The following RBFOX1 variants were observed in gnomAD, a reference collection of about 807,000 sequenced individuals.
RBFOX1 encodes the protein RNA binding fox-1 homolog 1.
Under a neutral mutation model 57.7 loss-of-function variants are expected in RBFOX1, and 8 were observed. The ratio of observed to expected loss-of-function variants is 0.14; its 90% confidence interval spans 0.08 to 0.25. The LOEUF (loss-of-function observed/expected upper bound fraction) is 0.25. RBFOX1 is among the 10% of genes least tolerant of loss of function. RBFOX1 has a pLI of 1.00. For missense variants in RBFOX1, 611 were observed against 548.5 expected (o/e 1.11, Z -1.14); for synonymous variants, 326 against 222.4 (o/e 1.47, Z -4.15).
At chr16:6,299,764 C>T (rs898964500) in intron 1 of RBFOX1, among the ~76,000 whole-genome samples, 2 of 152,142 alleles carry the variant, frequency 1.3e-5, no homozygotes, top group African/African-American at 4.8e-5. Flanking sequence ...CAGTTAAAGG[C>T]GTGGCTGTCC....
chr16:7,536,177 G>A (rs188506741), intron 5 of RBFOX1, among the ~76,000 whole-genome samples: 314 of 152,310 alleles, frequency 2.1e-3, no homozygotes, highest in African/African-American at 7.2e-3. Context: ...AGAGCTGACT[G>A]TAATTACATT....
At chr16:7,065,360 CT>C (rs2055709994) in intron 4 of RBFOX1, among the ~76,000 whole-genome samples, 1 of 152,090 alleles carries the variant, frequency 6.6e-6, no homozygotes, top group African/African-American at 2.4e-5. Flanking sequence ...CACCTTTCCC[CT>C]GATACACTCC....
At chr16:6,083,150 C>A (rs1345536865) in intron 1 of RBFOX1, among the ~76,000 whole-genome samples, 1 of 152,116 alleles carries the variant, frequency 6.6e-6, no homozygotes, top group Non-Finnish European at 1.5e-5. Context: ...CAGAGGCATG[C>A]ACTACCTTGC....
intron 2 of RBFOX1, among the ~76,000 whole-genome samples, chr16:5,472,523 T>A (rs1045182877): frequency 2.0e-5 from 3 of 152,170 alleles, no homozygotes; most frequent in African/African-American, 7.2e-5. Context: ...TTGCTCTTTT[T>A]AATGCTATCC....
rs567462821 is a variant in RBFOX1 at position 7,533,531 on chromosome 16, C to G, written c.270+15142C>G. ...GTTGAAAATGCATTTAATACACTTC[C>G]CCTACTGAACATCATCACTTAGCCT... On this transcript the variant is annotated intron_variant, in intron 5 of 15. Coordinates refer to ENST00000550418, the MANE Select transcript of RBFOX1 (RefSeq NM_018723.4). 2.3e-3 allele frequency among the ~76,000 whole-genome samples: 345 copies of G among 152,302 alleles called. 1 individual carries two copies. Among genetic ancestry groups the G allele is most frequent in the Non-Finnish European group, 4.0e-3 (272 of 68,022 alleles).
chr16:5,652,745 C>T (rs60565839), intron 3 of RBFOX1, among the ~76,000 whole-genome samples: 5,522 of 152,260 alleles, frequency 0.036, 318 homozygotes, highest in African/African-American at 0.12. Flanking sequence ...GATTTGAAAC[C>T]AGACAGACTT....
chr16:6,751,240 G>C (rs1384617554), intron 3 of RBFOX1, among the ~76,000 whole-genome samples: 2 of 152,148 alleles, frequency 1.3e-5, no homozygotes, highest in Admixed American at 6.5e-5. Context: ...ATTATTAGGA[G>C]ATTGTTTTTA....
At chr16:6,733,776 C>G (rs1242578264) in intron 3 of RBFOX1, among the ~76,000 whole-genome samples, 1 of 152,136 alleles carries the variant, frequency 6.6e-6, no homozygotes, top group Non-Finnish European at 1.5e-5. Context: ...ATTCTGACCT[C>G]TGAAATCTGA....
chr16:7,342,974 C>T (rs925021774), intron 4 of RBFOX1, among the ~76,000 whole-genome samples: 4 of 152,144 alleles, frequency 2.6e-5, no homozygotes, highest in African/African-American at 9.7e-5. Flanking sequence ...TTGCCCAAAT[C>T]TTTGTCCAGA....
At chr16:5,791,785 C>A (rs1049226301) in intron 3 of RBFOX1, among the ~76,000 whole-genome samples, 4 of 152,194 alleles carry the variant, frequency 2.6e-5, no homozygotes. Context: ...AAGCATATGA[C>A]ATGTTTGATC....
chr16:7,373,748 G>T (rs1323441557), intron 4 of RBFOX1, among the ~76,000 whole-genome samples: 2 of 152,148 alleles, frequency 1.3e-5, no homozygotes, highest in Admixed American at 1.3e-4. Context: ...CCAGCTCTTT[G>T]CGCTGATATT....
chr16:5,942,626 A>G (rs1043653216), intron 4 of RBFOX1, among the ~76,000 whole-genome samples: 3 of 152,098 alleles, frequency 2.0e-5, no homozygotes, highest in Non-Finnish European at 4.4e-5. Flanking sequence ...TTACTTTTAC[A>G]GAGGCAGTTT....
intron 3 of RBFOX1, among the ~76,000 whole-genome samples, chr16:5,643,588 G>T (rs915634722): frequency 2.0e-5 from 3 of 152,164 alleles, no homozygotes; most frequent in Non-Finnish European, 4.4e-5. Flanking sequence ...TGTCAGAACC[G>T]CAGAGTCATA....
chr16:6,587,396 C>G (rs1206202419), intron 2 of RBFOX1, among the ~76,000 whole-genome samples: 1 of 152,180 alleles, frequency 6.6e-6, no homozygotes, highest in African/African-American at 2.4e-5. Flanking sequence ...ATTCTCCTGC[C>G]TCAGCCTCCT....
At chr16:5,733,130 T>C (rs973226494) in intron 3 of RBFOX1, among the ~76,000 whole-genome samples, 34 of 152,254 alleles carry the variant, frequency 2.2e-4, no homozygotes, top group African/African-American at 7.9e-4. Flanking sequence ...CCTTCTGAAA[T>C]GAAATAGGCA....
chr16:5,940,758 C>A (rs545777470), intron 4 of RBFOX1, among the ~76,000 whole-genome samples: 3 of 152,078 alleles, frequency 2.0e-5, no homozygotes, highest in East Asian at 1.9e-4. Flanking sequence ...GAAATAAATT[C>A]TTTGCTGAGG....
intron 4 of RBFOX1, among the ~76,000 whole-genome samples, chr16:7,205,207 C>G (rs1295526602): frequency 6.6e-6 from 1 of 151,958 alleles, no homozygotes; most frequent in Non-Finnish European, 1.5e-5. Flanking sequence ...TTTTGGAAAA[C>G]TCCAGTTGAG....
At chr16:5,846,445 G>C (rs1000707654) in intron 3 of RBFOX1, among the ~76,000 whole-genome samples, 3 of 152,078 alleles carry the variant, frequency 2.0e-5, no homozygotes, top group Non-Finnish European at 4.4e-5. Context: ...GTGATTATTC[G>C]ACAAGTGTTC....
At chr16:5,782,608 G>T (rs1364909464) in intron 3 of RBFOX1, among the ~76,000 whole-genome samples, 1 of 152,178 alleles carries the variant, frequency 6.6e-6, no homozygotes, top group East Asian at 1.9e-4. Flanking sequence ...CTATGTTAGG[G>T]TTCTCCAGGG....
Sources: gnomAD v4.1 joint callset for allele counts (sites outside exome capture counted in the v4.1 genomes callset) on GRCh38, gnomAD v4.1.1 for gene constraint, MANE v1.5 for transcripts, NCBI Gene and HGNC (gene_info 2026-07-23, HGNC 2026-07-21) for gene names.